The following KCNN2 variants were observed in gnomAD, a reference collection of about 807,000 sequenced individuals.
The protein encoded by KCNN2 is potassium calcium-activated channel subfamily N member 2, also known as small conductance calcium-activated potassium channel protein 2.
A neutral mutation model predicts 55.5 loss-of-function variants in KCNN2; 24 were observed. That is an observed-to-expected ratio of 0.43 (90% CI 0.31 to 0.61). The LOEUF (loss-of-function observed/expected upper bound fraction) is 0.61. Ranked by LOEUF, KCNN2 falls within the 20% of genes least tolerant of loss-of-function variation. The probability of loss-of-function intolerance (pLI) is 0.08; values close to 1 mark genes in which losing one functional copy is unlikely to be tolerated. For missense variants in KCNN2, 754 were observed against 853.6 expected, an observed-to-expected ratio of 0.88 and a Z score of 1.45; for synonymous variants, 431 against 336.1, an observed-to-expected ratio of 1.28 and a Z score of -3.09.
chr5:114,454,503 C>T (rs981022095), intron 3 of KCNN2, among the ~76,000 whole-genome samples: 1 of 152,158 alleles, frequency 6.6e-6, no homozygotes, highest in East Asian at 1.9e-4. Flanking sequence ...AATGTCTTTC[C>T]TGAGAAGTTG....
chr5:114,494,354 T>G (rs1469914259), intron 7 of KCNN2, among the ~76,000 whole-genome samples: 1 of 150,732 alleles, frequency 6.6e-6, no homozygotes, highest in East Asian at 1.9e-4. Context: ...CATTAAATAA[T>G]GCATCTAAAT....
intron 2 of KCNN2, among the ~76,000 whole-genome samples, chr5:114,334,437 A>G (rs7704337): frequency 0.22 from 33,617 of 152,130 alleles, 3,895 homozygotes; most frequent in Admixed American, 0.27. Context: ...TGGATAGACA[A>G]TTCATAGAAT....
intron 2 of KCNN2, among the ~76,000 whole-genome samples, chr5:114,289,894 A>G (rs1019898523): frequency 3.9e-5 from 6 of 152,090 alleles, no homozygotes; most frequent in Non-Finnish European, 7.4e-5. Flanking sequence ...GGTTAAATTC[A>G]TTTCTAGGCA....
At chr5:114,205,201 A>G (rs979046679) in intron 1 of KCNN2, among the ~76,000 whole-genome samples, 1 of 152,222 alleles carries the variant, frequency 6.6e-6, no homozygotes, top group Non-Finnish European at 1.5e-5. Flanking sequence ...CTAATAGGAC[A>G]TACGTTTAAA....
At chr5:114,479,866 G>T (rs1187813115) in intron 5 of KCNN2, among the ~76,000 whole-genome samples, 1 of 152,062 alleles carries the variant, frequency 6.6e-6, no homozygotes, top group Non-Finnish European at 1.5e-5. Context: ...AGAATCTCTG[G>T]GATGCAGCTA....
Position 114,125,783 on chromosome 5 carries a change from T to A in KCNN2, c.-271+69283T>A, listed in dbSNP as rs186398460. ...TAGGTGGCTGTCTTCTCCCTGTGTC[T>A]TTACAGCATCTTCCCTCCATATGTG... On this transcript the variant is annotated intron_variant, in intron 1 of 10. Coordinates refer to the KCNN2 transcript ENST00000512097. Among the ~76,000 whole-genome samples the A allele has an allele frequency of 1.7e-3, 265 of 152,358 alleles. 2 individuals carry two copies. The highest frequency in any genetic ancestry group is 2.7e-3 in the Non-Finnish European group (186 of 68,042).
chr5:114,170,322 G>C (rs1331455699), intron 1 of KCNN2, among the ~76,000 whole-genome samples: 1 of 152,046 alleles, frequency 6.6e-6, no homozygotes, highest in Non-Finnish European at 1.5e-5. Flanking sequence ...GATTTGCTAA[G>C]AAGCTGTTGT....
At chr5:114,217,452 T>G (rs1754029999) in intron 1 of KCNN2, among the ~76,000 whole-genome samples, 1 of 152,050 alleles carries the variant, frequency 6.6e-6, no homozygotes, top group Admixed American at 6.5e-5. Context: ...GCCACATAAA[T>G]GTAGTCAACT....
chr5:114,394,169 G>A (rs768813618), intron 2 of KCNN2, among the ~76,000 whole-genome samples: 6 of 152,106 alleles, frequency 3.9e-5, no homozygotes, highest in Non-Finnish European at 5.9e-5. Flanking sequence ...GTATTAACAT[G>A]TAATAAAACT....
At chr5:114,135,507 T>C (rs1475803179) in intron 1 of KCNN2, among the ~76,000 whole-genome samples, 2 of 152,164 alleles carry the variant, frequency 1.3e-5, no homozygotes, top group African/African-American at 2.4e-5. Context: ...TAATTAGAAA[T>C]TATTTTCTGG....
At chr5:114,396,117 G>A (rs1049106436) in intron 2 of KCNN2, among the ~76,000 whole-genome samples, 1 of 151,952 alleles carries the variant, frequency 6.6e-6, no homozygotes, top group African/African-American at 2.4e-5. Context: ...CATCCGCTGT[G>A]TTTCTCAGGG....
chr5:114,273,319 T>C (rs921328382), intron 2 of KCNN2, among the ~76,000 whole-genome samples: 11 of 152,236 alleles, frequency 7.2e-5, no homozygotes, highest in African/African-American at 2.2e-4. Context: ...CTATCGTGAC[T>C]AATGCTGCAA....
intron 3 of KCNN2, among the ~76,000 whole-genome samples, chr5:114,462,106 G>A (rs1257592562): frequency 6.6e-6 from 1 of 152,132 alleles, no homozygotes; most frequent in Non-Finnish European, 1.5e-5. Context: ...CACACAGAAT[G>A]TGCATCTAGA....
chr5:114,336,910 C>T (rs1238477591), intron 2 of KCNN2, among the ~76,000 whole-genome samples: 1 of 152,114 alleles, frequency 6.6e-6, no homozygotes, highest in Admixed American at 6.5e-5. Context: ...ACTCAGAGCC[C>T]AGACCATGGA....
At position 114,168,123 on chromosome 5, in the gene KCNN2, CATTAT is replaced by C. The variant is rs1028029338; in HGVS notation, c.-270-53354_-270-53350del. ...TTTTTTAAGTTTTAAATATATGTAG[CATTAT>C]ATATGTGTGTATATAGATATATAAT... On this transcript the variant is annotated intron_variant, in intron 1 of 10. Transcript: ENST00000512097. Among the ~76,000 whole-genome samples, 29 of 149,766 alleles carry C rather than the reference CATTAT, an allele frequency of 1.9e-4. No individual in the cohort carries two copies. In the South Asian group the frequency reaches 5.3e-3, roughly 27 times the overall value.
At chr5:114,061,125 T>C (rs1472785337) in intron 1 of KCNN2, among the ~76,000 whole-genome samples, 1 of 152,216 alleles carries the variant, frequency 6.6e-6, no homozygotes, top group Non-Finnish European at 1.5e-5. Flanking sequence ...TGATTGAATG[T>C]CTTACTATGC....
At chr5:114,476,274 T>C (rs1463483517) in intron 5 of KCNN2, among the ~76,000 whole-genome samples, 1 of 147,636 alleles carries the variant, frequency 6.8e-6, no homozygotes, top group Non-Finnish European at 1.5e-5. Flanking sequence ...ATGTGGCACA[T>C]ATACACCATG....
At chr5:114,312,444 T>C (rs1418795021) in intron 2 of KCNN2, among the ~76,000 whole-genome samples, 96 of 39,944 alleles carry the variant, frequency 2.4e-3, no homozygotes, top group Non-Finnish European at 3.6e-3. Context: ...CATATATATA[T>C]ATATATATAT....
intron 2 of KCNN2, among the ~76,000 whole-genome samples, chr5:114,285,080 A>G (rs1052711133): frequency 2.0e-5 from 3 of 151,404 alleles, no homozygotes; most frequent in Admixed American, 1.3e-4. Context: ...CAGGAGATCG[A>G]GACCATCTTG....
Sources: allele counts gnomAD v4.1 joint callset (sites outside exome capture counted in the v4.1 genomes callset), GRCh38; gene constraint gnomAD v4.1.1; transcripts MANE v1.5; gene names NCBI Gene and HGNC (gene_info 2026-07-23, HGNC 2026-07-21).